BIRC6: variants seen among roughly 807,000 people sequenced by gnomAD.
BIRC6 encodes the protein baculoviral IAP repeat containing 6.
BIRC6 carries 98 observed loss-of-function variants against 503.3 expected under a neutral mutation model. The ratio of observed to expected loss-of-function variants is 0.19; its 90% CI spans 0.17 to 0.23. The LOEUF (loss-of-function observed/expected upper bound fraction) is 0.23, where lower values mean the gene tolerates loss of function less well. BIRC6 is among the 10% of genes least tolerant of loss of function. BIRC6 has a pLI of 1.00. For missense variants in BIRC6, 5,360 were observed against 5,806.0 expected (o/e 0.92, Z 2.50); for synonymous variants, 2,240 against 2,078.7 (o/e 1.08, Z -2.11).
chr2:32,559,081 A>C (rs1209627343), intron 65 of BIRC6, among the ~76,000 whole-genome samples: 1 of 152,220 alleles, frequency 6.6e-6, no homozygotes, highest in African/African-American at 2.4e-5. Flanking sequence ...CCAAATGCAG[A>C]AAGTGATTTT....
intron 65 of BIRC6, among the ~76,000 whole-genome samples, chr2:32,556,669 C>A (rs538433306): frequency 1.3e-5 from 2 of 152,124 alleles, no homozygotes; most frequent in African/African-American, 2.4e-5. Flanking sequence ...GTCCTACAGG[C>A]CAGGCTCGGT....
chr2:32,579,207 G>A (rs2060500309), intron 66 of BIRC6, among the ~76,000 whole-genome samples: 1 of 151,318 alleles, frequency 6.6e-6, no homozygotes, highest in African/African-American at 2.4e-5. Context: ...TTCCTTTTGG[G>A]GATGAGAGAA....
intron 8 of BIRC6, among the ~76,000 whole-genome samples, chr2:32,405,381 A>G (rs1167203304): frequency 1.3e-5 from 2 of 152,228 alleles, no homozygotes; most frequent in African/African-American, 4.8e-5. Flanking sequence ...AAAAACTAAA[A>G]CAGAGAAACT....
intron 71 of BIRC6, among the ~76,000 whole-genome samples, chr2:32,606,860 A>T (rs2151635535): frequency 6.6e-6 from 1 of 152,140 alleles, no homozygotes; most frequent in South Asian, 2.1e-4. Flanking sequence ...TACAGAAATT[A>T]GTCTGGCGTG....
chr2:32,539,703 A>T (rs1001183375), intron 61 of BIRC6, among the ~76,000 whole-genome samples: 2 of 152,152 alleles, frequency 1.3e-5, no homozygotes, highest in Non-Finnish European at 2.9e-5. Context: ...CATATAATTA[A>T]AAGAGGAGAT....
chr2:32,468,249 C>T (rs997554133), intron 28 of BIRC6, 138 bp downstream of exon 28: 2 of 1,015,652 alleles, frequency 2.0e-6, no homozygotes, highest in East Asian at 2.6e-5. Flanking sequence ...TAGCACGTTA[C>T]AATAACACTT....
intron 64 of BIRC6, 178 bp from the exon 65 acceptor site, chr2:32,549,135 G>A (rs2058264416): frequency 2.3e-6 from 1 of 435,906 alleles, no homozygotes; most frequent in African/African-American, 2.0e-5. Flanking sequence ...AACACTCTCA[G>A]ACAAAACAGA....
Position 32,467,599 on chromosome 2 carries a change from G to C in BIRC6, c.5431G>C (p.Asp1811His). The change falls in exon 27 of 74, where the codon GAC becomes CAC. Residue 1811 changes from aspartate to histidine, a missense_variant. Asp to His is a moderately conservative substitution (Grantham distance 81). Transcript: ENST00000421745. ...TGATGTATTGATTCCCACTTGTGGA[G>C]ACTTGGCCTCTTTGTCAATTGACAT... ...LTDVLIPTCG[D>H]LASLSIDIWT... is the part of the protein sequence containing the mutation. The C allele has an allele frequency of 6.2e-7, 1 of 1,613,962 alleles. No homozygotes were observed. The highest frequency in any genetic ancestry group is 8.5e-7 in the Non-Finnish European group (1 of 1,179,868).
intron 10 of BIRC6, among the ~76,000 whole-genome samples, chr2:32,420,569 A>C (rs2042827917): frequency 6.6e-6 from 1 of 152,076 alleles, no homozygotes; most frequent in Non-Finnish European, 1.5e-5. Flanking sequence ...GCTGGAGTGC[A>C]GTGGTGCAGT....
In BIRC6 at chr2:32,499,604, C is replaced by T. The variant is rs1268416366; in HGVS notation, c.8526C>T (p.Phe2842=). Residue 2842 remains phenylalanine (F), a synonymous_variant, in exon 46 of 74, where the codon TTC becomes TTT. Coordinates refer to ENST00000421745, the MANE Select transcript of BIRC6 (RefSeq NM_016252.4). ...PLDAQVKLLE[F]TLEQNFEVVS... ...ATGCCCAAGTGAAGCTCTTAGAATT[C>T]ACTCTGGAGCAGAATTTTGAAGTCG... 1.2e-6 allele frequency: 2 copies of T among 1,613,770 alleles called. No individual in the cohort carries two copies. The highest frequency in any genetic ancestry group is 4.5e-5 in the East Asian group (2 of 44,878).
intron 3 of BIRC6, among the ~76,000 whole-genome samples, chr2:32,387,141 C>T (rs1033780330): frequency 6.6e-6 from 1 of 152,116 alleles, no homozygotes; most frequent in East Asian, 1.9e-4. Flanking sequence ...GTAGTGAATG[C>T]CCATAGGTCT....
intron 1 of BIRC6, among the ~76,000 whole-genome samples, chr2:32,374,888 G>A (rs888013551): frequency 6.6e-6 from 1 of 152,138 alleles, no homozygotes; most frequent in Non-Finnish European, 1.5e-5. Flanking sequence ...ATGGGTGTGA[G>A]CCACCATGCT....
intron 10 of BIRC6, among the ~76,000 whole-genome samples, chr2:32,418,017 C>T (rs746692120): frequency 7.9e-5 from 12 of 151,946 alleles, no homozygotes; most frequent in Non-Finnish European, 1.5e-4. Context: ...TGACCTCGAG[C>T]GATCCGTCTG....
chr2:32,533,235 GA>G (rs554359147), intron 61 of BIRC6, among the ~76,000 whole-genome samples: 170 of 152,274 alleles, frequency 1.1e-3, no homozygotes, highest in African/African-American at 3.9e-3. Flanking sequence ...TATAGAAGCA[GA>G]ACTATTAACT....
rs545128908 is a variant in BIRC6, at chr2:32,395,441, A to G, written c.952-70A>G. 2.5e-6 allele frequency: 3 copies of G among 1,222,620 alleles called. No individual in the cohort carries two copies. The African/African-American group carries it at 4.6e-5, about 19-fold the overall frequency. 75.7% of individuals were successfully genotyped at this position (1,222,620 alleles called of 1,614,324 possible). A position where few individuals can be genotyped will look rare whatever the true frequency, so the allele number is the denominator to read the frequency against. On this transcript the variant is annotated intron_variant, in intron 5 of 73. Transcript: ENST00000421745. ...TACTTAAAATTATGAACTTTTAAAA[A>G]TAACTTTTATTATAAAGCTATTTTA...
At chr2:32,483,703 A>G (rs1389204875) in intron 39 of BIRC6, among the ~76,000 whole-genome samples, 4 of 152,182 alleles carry the variant, frequency 2.6e-5, no homozygotes, top group African/African-American at 4.8e-5. Context: ...ATGGCAGGCC[A>G]GTTATTTTGT....
At chr2:32,429,029 G>A (rs2043826287) in intron 10 of BIRC6, 117 bp from the exon 11 acceptor site, 1 of 885,322 alleles carries the variant, frequency 1.1e-6, no homozygotes, top group Non-Finnish European at 1.6e-6. Context: ...CATCACATTG[G>A]TAGCTTTCCT....
At chr2:32,400,280 C>T (rs1196938616) in intron 6 of BIRC6, among the ~76,000 whole-genome samples, 2 of 147,820 alleles carry the variant, frequency 1.4e-5, no homozygotes, top group African/African-American at 5.0e-5. Flanking sequence ...AGGTATATTT[C>T]TGTGTTCTTA....
chr2:32,531,504 C>T lies in BIRC6; in HGVS notation c.12244C>T (p.Leu4082Phe). The T allele has an allele frequency of 6.2e-7, 1 of 1,613,636 alleles. No homozygotes were observed. Among genetic ancestry groups the T allele is most frequent in the Non-Finnish European group, 8.5e-7 (1 of 1,179,754 alleles). ...TTTTGCAGGAATGGGTGGACTGGCT[C>T]TTATTGCTGAAAGACTACCCATGCT... is the stretch of plus-strand genomic sequence containing the variant. Reference protein sequence around the residue: ...QVFAGMGGLALIAERLPMLYP... With the variant: ...QVFAGMGGLAFIAERLPMLYP... The change falls in exon 61 of 74, where the codon CTT becomes TTT. Residue 4082 changes from leucine (L) to phenylalanine (F), a missense_variant. Leu to Phe is a conservative substitution (Grantham distance 22, BLOSUM62 0). Around this residue, in one of 16 missense-constraint regions of BIRC6, gnomAD observed 878 missense variants for 928.9 expected, o/e 0.95. Coordinates refer to ENST00000421745, the MANE Select transcript of BIRC6 (RefSeq NM_016252.4).
Sources: allele counts gnomAD v4.1 joint callset (sites outside exome capture counted in the v4.1 genomes callset), GRCh38; gene constraint gnomAD v4.1.1; regional missense constraint gnomAD v4.1.1; transcripts MANE v1.5; gene names NCBI Gene and HGNC (gene_info 2026-07-23, HGNC 2026-07-21).